SYT1: variants seen among roughly 807,000 people sequenced by gnomAD.
SYT1 encodes synaptotagmin-1.
A neutral mutation model predicts 44.8 loss-of-function variants in SYT1; 8 were observed. That is an observed-to-expected ratio of 0.18 (90% CI 0.10 to 0.32). The LOEUF is 0.32. Ranked by LOEUF, SYT1 falls within the 10% of genes least tolerant of loss-of-function variation. The pLI is 1.00. For synonymous variants in SYT1, 154 were observed against 188.8 expected (o/e 0.82, Z 1.51); for missense variants, 286 against 509.3 (o/e 0.56, Z 4.22).
At chr12:79,294,159 T>G (rs1054652370) in intron 6 of SYT1, among the ~76,000 whole-genome samples, 2 of 152,076 alleles carry the variant, frequency 1.3e-5, no homozygotes, top group Non-Finnish European at 2.9e-5. Context: ...AAGTTAGCTT[T>G]AATTATTAAT....
chr12:79,176,208 T>G (rs1871854147), intron 3 of SYT1, among the ~76,000 whole-genome samples: 1 of 151,198 alleles, frequency 6.6e-6, no homozygotes, highest in African/African-American at 2.4e-5. Flanking sequence ...GAGAATCACT[T>G]GAACCTGGGA....
chr12:79,157,641 T>A (rs950734372), intron 3 of SYT1, among the ~76,000 whole-genome samples: 1 of 152,186 alleles, frequency 6.6e-6, no homozygotes, highest in Non-Finnish European at 1.5e-5. Context: ...GGAACTAGAT[T>A]GGGTATTAAG....
At position 78,941,197 on chromosome 12, in the gene SYT1, C is replaced by G. The variant is rs547073262; in HGVS notation, c.-216-36602C>G. 2.8e-4 allele frequency among the ~76,000 whole-genome samples: 42 copies of G among 151,450 alleles called. No individual in the cohort carries two copies. The East Asian group carries it at 6.4e-3, about 23-fold the overall frequency. The stretch of plus-strand genomic sequence containing the variant: ...ACGCCATTCTTCTGCCTCAGCCTCC[C>G]CAGTAGCTGGGATTACAGGCGCCTG... On this transcript the variant is annotated intron_variant, in intron 1 of 10. Coordinates refer to ENST00000261205, the MANE Select transcript of SYT1 (RefSeq NM_005639.3).
intron 4 of SYT1, among the ~76,000 whole-genome samples, chr12:79,249,325 C>T (rs1285439816): frequency 1.3e-5 from 2 of 151,214 alleles, no homozygotes; most frequent in African/African-American, 2.4e-5. Flanking sequence ...AGGATGGTCT[C>T]GATCTCCTGA....
At chr12:79,053,395 A>G (rs1874677260) in intron 3 of SYT1, among the ~76,000 whole-genome samples, 1 of 152,096 alleles carries the variant, frequency 6.6e-6, no homozygotes. Context: ...GTTAGGAGAT[A>G]TACCTAATGC....
At chr12:79,337,903 G>A (rs1015012185) in intron 8 of SYT1, among the ~76,000 whole-genome samples, 4 of 152,148 alleles carry the variant, frequency 2.6e-5, no homozygotes, top group African/African-American at 9.7e-5. Context: ...AAATCACTAT[G>A]AGGCAGCTTT....
At chr12:78,952,951 C>T (rs531022800) in intron 1 of SYT1, among the ~76,000 whole-genome samples, 11 of 152,178 alleles carry the variant, frequency 7.2e-5, no homozygotes, top group South Asian at 2.1e-4. Flanking sequence ...GAAAAATTGA[C>T]CTTTAATGAG....
intron 3 of SYT1, among the ~76,000 whole-genome samples, chr12:79,065,745 A>T (rs1407074569): frequency 6.6e-6 from 1 of 152,204 alleles, no homozygotes; most frequent in South Asian, 2.1e-4. Context: ...TCTATAGGAA[A>T]GTCAAAATGA....
chr12:79,151,483 A>G, intron 3 of SYT1, among the ~76,000 whole-genome samples: 1 of 152,184 alleles, frequency 6.6e-6, no homozygotes, highest in East Asian at 1.9e-4. Context: ...ATATCAAGCT[A>G]ATACATTTGA....
intron 3 of SYT1, among the ~76,000 whole-genome samples, chr12:79,063,889 G>T (rs1450270275): frequency 6.6e-6 from 1 of 152,126 alleles, no homozygotes; most frequent in East Asian, 1.9e-4. Context: ...CCAGGAGTCT[G>T]ACCTCACTTT....
chr12:79,357,643 G>T (rs961902715), intron 9 of SYT1, among the ~76,000 whole-genome samples: 1 of 152,202 alleles, frequency 6.6e-6, no homozygotes, highest in African/African-American at 2.4e-5. Flanking sequence ...TGACTGAAAT[G>T]TGGTTACACA....
chr12:78,973,114 C>A (rs1868495721), intron 1 of SYT1, among the ~76,000 whole-genome samples: 1 of 151,996 alleles, frequency 6.6e-6, no homozygotes, highest in Admixed American at 6.6e-5. Flanking sequence ...ACAACTGTTT[C>A]TTTTAAATTT....
chr12:79,173,530 A>G (rs921417887), intron 3 of SYT1, among the ~76,000 whole-genome samples: 4 of 152,100 alleles, frequency 2.6e-5, no homozygotes, highest in Non-Finnish European at 4.4e-5. Context: ...TATGAAGAGT[A>G]AAAATAAGTG....
intron 3 of SYT1, among the ~76,000 whole-genome samples, chr12:79,135,470 T>G (rs1565821707): frequency 6.6e-6 from 1 of 152,186 alleles, no homozygotes; most frequent in Non-Finnish European, 1.5e-5. Context: ...ATGTTCCTAT[T>G]GTAAAGACTC....
chr12:79,049,750 CTT>C (rs1173722725), intron 3 of SYT1, among the ~76,000 whole-genome samples: 4 of 151,986 alleles, frequency 2.6e-5, no homozygotes, highest in Non-Finnish European at 5.9e-5. Context: ...GGAATCAAAA[CTT>C]TATAAATGAA....
chr12:79,075,010 C>G (rs1045560271), intron 3 of SYT1, among the ~76,000 whole-genome samples: 1 of 152,006 alleles, frequency 6.6e-6, no homozygotes, highest in African/African-American at 2.4e-5. Flanking sequence ...TCGTAAATAC[C>G]CTGGATCTCA....
At chr12:79,179,156 A>ATATAGATATATC (rs1872185397) in intron 3 of SYT1, among the ~76,000 whole-genome samples, 2 of 81,676 alleles carry the variant, frequency 2.4e-5, no homozygotes, top group African/African-American at 8.4e-5. Flanking sequence ...AGATATATAG[A>ATATAGATATATC]TATATAGATA....
At chr12:79,264,481 A>G (rs1314968781) in intron 4 of SYT1, among the ~76,000 whole-genome samples, 1 of 152,234 alleles carries the variant, frequency 6.6e-6, no homozygotes, top group African/African-American at 2.4e-5. Flanking sequence ...AACTCAAGGT[A>G]GCTTTTTCAG....
chr12:79,356,356 C>A (rs574453163), intron 9 of SYT1, among the ~76,000 whole-genome samples: 2 of 152,106 alleles, frequency 1.3e-5, no homozygotes, highest in South Asian at 4.2e-4. Context: ...GCTTCTCTCT[C>A]ACTAGACTGT....
Sources: allele counts gnomAD v4.1 joint callset (sites outside exome capture counted in the v4.1 genomes callset), GRCh38; gene constraint gnomAD v4.1.1; transcripts MANE v1.5; gene names NCBI Gene and HGNC (gene_info 2026-07-23, HGNC 2026-07-21).